LUC7L: variants seen among roughly 807,000 people sequenced by gnomAD.
LUC7L encodes the protein putative RNA-binding protein Luc7-like 1.
LUC7L carries 29 observed loss-of-function variants against 51.1 expected under a neutral mutation model. That is an observed-to-expected ratio of 0.57 (90% CI 0.42 to 0.77). LUC7L has a LOEUF of 0.77. Ranked by LOEUF, LUC7L falls within the 30% of genes least tolerant of loss-of-function variation. The pLI, the probability that LUC7L is intolerant of heterozygous loss-of-function variation, is 0.00. For missense variants in LUC7L, 403 were observed against 511.9 expected (o/e 0.79, Z 2.05); for synonymous variants, 181 against 180.7 (o/e 1.00, Z -0.01).
chr16:198,387 C>G (rs1185265150), intron 6 of LUC7L, among the ~76,000 whole-genome samples: 3 of 151,938 alleles, frequency 2.0e-5, no homozygotes, highest in African/African-American at 7.3e-5. Flanking sequence ...CAGAAAAACC[C>G]CATCTTCACC....
intron 5 of LUC7L, 108 bp from the exon 6 acceptor site, chr16:199,346 C>A: frequency 8.6e-6 from 6 of 697,098 alleles, no homozygotes; most frequent in Non-Finnish European, 1.4e-5. Flanking sequence ...GACTTTTAAA[C>A]AAATATTAAA....
At chr16:220,331 TA>T in intron 3 of LUC7L, 2 of 189,660 alleles carry the variant, frequency 1.1e-5, no homozygotes, top group East Asian at 2.6e-4. Context: ...CAAAAAAATC[TA>T]ATTTTAAAGA....
chr16:189,544 A>G (rs2048953202), intron 9 of LUC7L: 5 of 1,390,050 alleles, frequency 3.6e-6, no homozygotes, highest in East Asian at 2.5e-5. Context: ...AAGATTTTTA[A>G]TAAGGAGAGC....
At chr16:219,320 C>T (rs1272507788) in intron 3 of LUC7L, among the ~76,000 whole-genome samples, 2 of 152,006 alleles carry the variant, frequency 1.3e-5, no homozygotes, top group African/African-American at 2.4e-5. Context: ...ACCAGGGAGT[C>T]GGAGGTTGCA....
Position 220,686 on chromosome 16 carries a change from A to C in LUC7L, c.218T>G (p.Ile73Ser). The C allele has an allele frequency of 6.2e-7, 1 of 1,614,016 alleles. No homozygotes were observed. Among genetic ancestry groups the C allele is most frequent in the South Asian group, 1.1e-5 (1 of 91,028 alleles). ...HDLALRADYE[I>S]ASKERDLFFE... Reference sequence around the variant, plus strand: ...AAACAGGTCTCTTTCTTTACTTGCAATCTCATAATCTGCTCGGAGGGCCAA... The same window carrying C: ...AAACAGGTCTCTTTCTTTACTTGCACTCTCATAATCTGCTCGGAGGGCCAA... The change falls in exon 3 of 10, where the codon ATT becomes AGT. Residue 73 changes from isoleucine to serine, a missense_variant. Around this residue, in one of 3 missense-constraint regions of LUC7L, gnomAD observed 182 missense variants for 248.4 expected, o/e 0.73. Coordinates refer to ENST00000293872, the MANE Select transcript of LUC7L (RefSeq NM_201412.3).
chr16:229,070 G>C (rs896263644), intron 1 of LUC7L: 4 of 1,416,922 alleles, frequency 2.8e-6, no homozygotes, highest in Non-Finnish European at 3.7e-6. Context: ...CGCAGACTCC[G>C]AGAGAGGAGC....
chr16:195,557 G>A, intron 6 of LUC7L, among the ~76,000 whole-genome samples: 1 of 152,134 alleles, frequency 6.6e-6, no homozygotes, highest in Middle Eastern at 3.2e-3. Context: ...CTGAGTAGCT[G>A]GACCTACAGG....
chr16:192,918 C>T lies in LUC7L; in HGVS notation c.776+9G>A, dbSNP rs1448612951. 5 of 1,611,308 alleles carry T rather than the reference C, an allele frequency of 3.1e-6. No homozygotes were observed. The highest frequency in any genetic ancestry group is 4.2e-6 in the Non-Finnish European group (5 of 1,179,304). On this transcript the variant is annotated intron_variant, in intron 7 of 9. Coordinates refer to ENST00000293872, the MANE Select transcript of LUC7L (RefSeq NM_201412.3). The stretch of plus-strand genomic sequence containing the variant: ...ATGCAGGCCATCCAGTGCCAGCCCT[C>T]AGGCTCACCTCCTGCTCAGACGCTC...
chr16:190,066 C>G lies in LUC7L; in HGVS notation c.876G>C (p.Arg292=). The G allele has an allele frequency of 6.2e-7, 1 of 1,613,672 alleles. No homozygotes were observed. Among genetic ancestry groups the G allele is most frequent in the Non-Finnish European group, 8.5e-7 (1 of 1,180,022 alleles). Residue 292 remains arginine, a synonymous_variant, in exon 9 of 10, where the codon CGG becomes CGC. Coordinates refer to ENST00000293872, the MANE Select transcript of LUC7L (RefSeq NM_201412.3). ...GCCGATGTCTATCTCGGGACCGGGA[C>G]CGGGACAATTTCCGTCGCTCTCGGG... ...STSRERRKLS[R]SRSRDRHRRH... is the part of the protein sequence containing the mutation.
intron 1 of LUC7L, chr16:228,507 C>T (rs1214096364): frequency 3.3e-6 from 4 of 1,227,112 alleles, no homozygotes; most frequent in Non-Finnish European, 4.2e-6. Flanking sequence ...CTAAAAAGCA[C>T]TTATTCACCT....
chr16:206,807 C>G (rs977943978), intron 4 of LUC7L, among the ~76,000 whole-genome samples: 9 of 151,106 alleles, frequency 6.0e-5, no homozygotes, highest in African/African-American at 2.2e-4. Flanking sequence ...ACCTGTAATC[C>G]CAGCACTTCG....
In LUC7L at chr16:219,837, C is replaced by T. The variant is rs145464564; in HGVS notation, c.255+812G>A. ...TGAGCCAAGATCGCACTACTGCTCTCCAGCCTGAGCAACAAGAGTGAAACT... is the reference window on the plus strand; with the variant it reads ...TGAGCCAAGATCGCACTACTGCTCTTCAGCCTGAGCAACAAGAGTGAAACT... On this transcript the variant is annotated intron_variant, in intron 3 of 9. Coordinates refer to ENST00000293872, the MANE Select transcript of LUC7L (RefSeq NM_201412.3). Among the ~76,000 whole-genome samples the T allele has an allele frequency of 6.1e-3, 932 of 151,874 alleles. 3 individuals are homozygous for T. Among genetic ancestry groups the T allele is most frequent in the Admixed American group, 0.01 (157 of 15,218 alleles).
intron 7 of LUC7L, among the ~76,000 whole-genome samples, chr16:192,627 C>A (rs1014089323): frequency 3.3e-5 from 5 of 151,648 alleles, no homozygotes; most frequent in Admixed American, 2.0e-4. Flanking sequence ...CCTCAGCCTC[C>A]GAGTAGCTAG....
intron 3 of LUC7L, among the ~76,000 whole-genome samples, chr16:210,130 A>G (rs1027069788): frequency 6.6e-6 from 1 of 152,184 alleles, no homozygotes; most frequent in Non-Finnish European, 1.5e-5. Flanking sequence ...TCTACTAAAA[A>G]TACAAAATTA....
At chr16:193,647 A>G (rs1431338171) in intron 6 of LUC7L, among the ~76,000 whole-genome samples, 1 of 151,288 alleles carries the variant, frequency 6.6e-6, no homozygotes, top group Non-Finnish European at 1.5e-5. Context: ...CAAGCGTGCC[A>G]GCACGGCCGG....
chr16:220,934 G>A (rs544238242), intron 2 of LUC7L, among the ~76,000 whole-genome samples, 187 bp from the exon 3 acceptor site: 7 of 152,188 alleles, frequency 4.6e-5, no homozygotes, highest in Non-Finnish European at 1.0e-4. Flanking sequence ...TCGTGACTAC[G>A]TGATACTTGA....
At chr16:210,223 G>A (rs544162658) in intron 3 of LUC7L, among the ~76,000 whole-genome samples, 1 of 152,232 alleles carries the variant, frequency 6.6e-6, no homozygotes, top group Admixed American at 6.5e-5. Flanking sequence ...GGAAGCAGAG[G>A]TTGCAGTGAA....
Position 208,113 on chromosome 16 carries a change from T to C in LUC7L, c.331A>G (p.Thr111Ala). ...TELAKKRLAE[T>A]QEEISAEVSA... is the part of the protein sequence containing the mutation. ...ACTTCCGCACTGATTTCCTCCTGTG[T>C]TTCTGCCAGCCGCTTCTTGGCGAGC... Residue 111 changes from threonine to alanine, a missense_variant, in exon 4 of 10, where the codon ACA becomes GCA. By Grantham distance (58) the Thr-to-Ala change is moderately conservative. Around this residue, in one of 3 missense-constraint regions of LUC7L, gnomAD observed 182 missense variants for 248.4 expected, o/e 0.73. Transcript: ENST00000293872. The C allele has an allele frequency of 6.2e-7, 1 of 1,613,634 alleles. No individual in the cohort carries two copies. The highest frequency in any genetic ancestry group is 8.5e-7 in the Non-Finnish European group (1 of 1,179,834).
At chr16:196,213 G>C (rs2049144354) in intron 6 of LUC7L, among the ~76,000 whole-genome samples, 1 of 152,130 alleles carries the variant, frequency 6.6e-6, no homozygotes, top group South Asian at 2.1e-4. Flanking sequence ...TTCGAGATCA[G>C]CCTGAGCAAC....
Sources: gnomAD v4.1 joint callset for allele counts (sites outside exome capture counted in the v4.1 genomes callset) on GRCh38, gnomAD v4.1.1 for gene constraint, gnomAD v4.1.1 regional missense constraint, MANE v1.5 for transcripts, NCBI Gene and HGNC (gene_info 2026-07-23, HGNC 2026-07-21) for gene names.